Variants in GPHN observed in about 807,000 individuals in gnomAD.
GPHN encodes gephyrin.
Under a neutral mutation model 95.5 loss-of-function variants are expected in GPHN, and 17 were observed. That is an observed-to-expected ratio of 0.18 (90% CI 0.12 to 0.27). GPHN has a LOEUF of 0.27. GPHN is among the 10% of genes least tolerant of loss of function. GPHN has a pLI of 1.00. For synonymous variants in GPHN, 320 were observed against 322.5 expected, an observed-to-expected ratio of 0.99 and a Z score of 0.08; for missense variants, 660 against 978.1, an observed-to-expected ratio of 0.67 and a Z score of 4.34.
chr14:67,572,044 C>G, the GPHN span: 2 of 1,496,594 alleles, frequency 1.3e-6, no homozygotes, highest in Non-Finnish European at 9.0e-7. Context: ...GAGACCGGGT[C>G]CCGGGTGGGT....
chr14:67,121,857 T>G (rs1277341342), intron 16 of GPHN, among the ~76,000 whole-genome samples: 1 of 152,180 alleles, frequency 6.6e-6, no homozygotes, highest in Middle Eastern at 3.2e-3. Flanking sequence ...CTGTTCAGAC[T>G]TAAGGATATC....
chr14:67,423,621 GT>G, the GPHN span, among the ~76,000 whole-genome samples: 2 of 152,180 alleles, frequency 1.3e-5, no homozygotes, highest in Admixed American at 1.3e-4. Flanking sequence ...GTGGGAGAGG[GT>G]TGCGGCAAAC....
intron 9 of GPHN, among the ~76,000 whole-genome samples, chr14:67,018,241 C>T (rs2153622089): frequency 6.6e-6 from 1 of 152,114 alleles, no homozygotes; most frequent in East Asian, 1.9e-4. Context: ...TATTAAAAGT[C>T]ATCAAACTTT....
the GPHN span, chr14:67,674,533 C>G: frequency 4.6e-6 from 7 of 1,521,958 alleles, no homozygotes; most frequent in Non-Finnish European, 6.2e-6. Context: ...ATTCGGGGCC[C>G]TGGGCCCTTT....
At chr14:67,348,802 G>A in the GPHN span, 3 of 406,110 alleles carry the variant, frequency 7.4e-6, no homozygotes, top group East Asian at 5.3e-5. Context: ...TTACAGGCAT[G>A]AGCCACCGTG....
At chr14:67,585,757 C>T in the GPHN span, 10 of 1,019,078 alleles carry the variant, frequency 9.8e-6, no homozygotes, top group Non-Finnish European at 1.5e-5. Flanking sequence ...ACCATGGCTG[C>T]CCTACCCCCA....
the GPHN span, among the ~76,000 whole-genome samples, chr14:67,490,527 G>A: frequency 1.3e-5 from 2 of 152,176 alleles, no homozygotes; most frequent in Admixed American, 1.3e-4. Context: ...ACTCTCAAAA[G>A]CCACATCAGT....
At chr14:67,253,442 A>G in the GPHN span, among the ~76,000 whole-genome samples, 1 of 152,248 alleles carries the variant, frequency 6.6e-6, no homozygotes, top group Non-Finnish European at 1.5e-5. Context: ...TTATATAGTG[A>G]GATTAAGTTC....
At chr14:66,932,462 T>TTG (rs1567118542) in intron 8 of GPHN, among the ~76,000 whole-genome samples, 6 of 131,262 alleles carry the variant, frequency 4.6e-5, no homozygotes, top group African/African-American at 1.5e-4. Flanking sequence ...TTTTTTTTTT[T>TTG]TTTTTTTTTT....
chr14:66,899,638 T>C (rs1237576386), intron 5 of GPHN, among the ~76,000 whole-genome samples: 1 of 151,910 alleles, frequency 6.6e-6, no homozygotes, highest in Non-Finnish European at 1.5e-5. Context: ...AGTATATAGT[T>C]CTTTTTACTT....
At chr14:66,539,818 G>A (rs2059289585) in intron 1 of GPHN, among the ~76,000 whole-genome samples, 1 of 152,082 alleles carries the variant, frequency 6.6e-6, no homozygotes, top group Non-Finnish European at 1.5e-5. Context: ...AATAAAATAG[G>A]AGATGGTTAT....
intron 8 of GPHN, among the ~76,000 whole-genome samples, chr14:66,955,004 G>A (rs953363041): frequency 6.6e-6 from 1 of 151,980 alleles, no homozygotes; most frequent in East Asian, 1.9e-4. Context: ...TATAATATTT[G>A]TTGTTTCCTA....
At chr14:67,728,544 T>C in the GPHN span, among the ~76,000 whole-genome samples, 2 of 152,242 alleles carry the variant, frequency 1.3e-5, no homozygotes, top group Admixed American at 1.3e-4. Context: ...TTAAACTTTC[T>C]GTGACTTAGT....
chr14:67,359,201 G>A, the GPHN span, among the ~76,000 whole-genome samples: 1 of 152,154 alleles, frequency 6.6e-6, no homozygotes, highest in Non-Finnish European at 1.5e-5. Context: ...CCCCACTTTG[G>A]CTTAGGGACC....
the GPHN span, among the ~76,000 whole-genome samples, chr14:67,339,045 G>C: frequency 6.8e-6 from 1 of 146,140 alleles, no homozygotes; most frequent in African/African-American, 2.5e-5. Context: ...CCAGGGTGGA[G>C]TGCAGTGGCG....
At chr14:66,683,557 ACT>A (rs1416106355) in intron 2 of GPHN, among the ~76,000 whole-genome samples, 1 of 131,978 alleles carries the variant, frequency 7.6e-6, no homozygotes, top group African/African-American at 3.0e-5. Context: ...TCTGTCTCAG[ACT>A]CTTGGCATAA....
At chr14:67,315,118 A>G in the GPHN span, among the ~76,000 whole-genome samples, 1 of 150,804 alleles carries the variant, frequency 6.6e-6, no homozygotes, top group South Asian at 2.1e-4. Context: ...TCCATCTCTC[A>G]TTAATTTCTG....
intron 5 of GPHN, among the ~76,000 whole-genome samples, chr14:66,887,753 A>G (rs137985580): frequency 5.0e-4 from 76 of 152,332 alleles, no homozygotes; most frequent in African/African-American, 1.7e-3. Context: ...ATTTGAAGAG[A>G]CAAAGCAAGC....
At chr14:67,049,649 A>G (rs960455979) in intron 10 of GPHN, among the ~76,000 whole-genome samples, 2 of 151,396 alleles carry the variant, frequency 1.3e-5, no homozygotes, top group Admixed American at 1.3e-4. Flanking sequence ...AGTAGCTGGG[A>G]CTACAGGCAT....
Sources: allele counts gnomAD v4.1 joint callset (sites outside exome capture counted in the v4.1 genomes callset), GRCh38; gene constraint gnomAD v4.1.1; transcripts MANE v1.5; gene names NCBI Gene and HGNC (gene_info 2026-07-23, HGNC 2026-07-21).